EHMT1: variants seen among roughly 807,000 people sequenced by gnomAD.
EHMT1 encodes the protein euchromatic histone lysine methyltransferase 1, also known as histone-lysine N-methyltransferase EHMT1.
In EHMT1, 15 loss-of-function variants were observed where a neutral mutation model predicts 147.2. The ratio of observed to expected loss-of-function variants is 0.10; its 90% CI spans 0.07 to 0.16. EHMT1 has a LOEUF of 0.16. Among genes scored for constraint, EHMT1 ranks in the 10% least tolerant of loss-of-function variants. The probability of loss-of-function intolerance (pLI) is 1.00; values close to 1 mark genes in which losing one functional copy is unlikely to be tolerated. For synonymous variants in EHMT1, 795 were observed against 709.6 expected (o/e 1.12, Z -1.91); for missense variants, 1,587 against 1,772.4 (o/e 0.90, Z 1.88).
chr9:137,806,243 G>A (rs925191459), intron 18 of EHMT1, among the ~76,000 whole-genome samples: 3 of 152,086 alleles, frequency 2.0e-5, no homozygotes, highest in Non-Finnish European at 4.4e-5. Flanking sequence ...TTGCAGAAAT[G>A]AGCCACCACG....
chr9:137,811,623 C>T lies in EHMT1; in HGVS notation c.2867+8C>T. ...CCGCTACGACTGTGTCGTGTGAGTGCAGTGCTTCCCCCAGCGCGGGCTGGC... is the reference window on the plus strand; with the variant it reads ...CCGCTACGACTGTGTCGTGTGAGTGTAGTGCTTCCCCCAGCGCGGGCTGGC... On this transcript the variant is annotated splice_region_variant and intron_variant, in intron 19 of 26. Coordinates refer to ENST00000460843, the MANE Select transcript of EHMT1 (RefSeq NM_024757.5). The T allele has an allele frequency of 6.2e-7, 1 of 1,600,174 alleles. No homozygotes were observed. The highest frequency in any genetic ancestry group is 1.3e-5 in the African/African-American group (1 of 75,068).
intron 1 of EHMT1, among the ~76,000 whole-genome samples, chr9:137,624,885 C>CTT (rs1242300490): frequency 2.8e-5 from 4 of 143,254 alleles, no homozygotes; most frequent in Non-Finnish European, 3.1e-5. Flanking sequence ...TTTCATTCTT[C>CTT]TTTTTTTTTT....
intron 3 of EHMT1, 104 bp downstream of exon 3, chr9:137,717,286 G>T: frequency 1.4e-6 from 2 of 1,441,046 alleles, no homozygotes; most frequent in South Asian, 1.2e-5. Flanking sequence ...AAGTGTCAGT[G>T]GTTATCCGAC....
intron 25 of EHMT1, among the ~76,000 whole-genome samples, chr9:137,822,555 T>G (rs768814959): frequency 6.6e-6 from 1 of 152,098 alleles, no homozygotes; most frequent in African/African-American, 2.4e-5. Context: ...TCTTTTCATA[T>G]GTGTGTTGCC....
Position 137,728,399 on chromosome 9 carries a change from G to A in EHMT1, c.693G>A (p.Lys231=), listed in dbSNP as rs1946813659. ...AAGTTCGAGAAGCTAGAGATCATAAGGAACCAAAAGAGGAGATCAACAAAA... is the reference window on the plus strand; with the variant it reads ...AAGTTCGAGAAGCTAGAGATCATAAAGAACCAAAAGAGGAGATCAACAAAA... ...PREVREARDH[K]EPKEEINKNI... The change falls in exon 4 of 27, where the codon AAG becomes AAA. Residue 231 remains lysine (K), a synonymous_variant. Transcript: ENST00000460843. 3.1e-6 allele frequency: 5 copies of A among 1,614,066 alleles called. No homozygotes were observed. The highest frequency in any genetic ancestry group is 4.2e-6 in the Non-Finnish European group (5 of 1,180,048).
chr9:137,776,525 A>G lies in EHMT1; in HGVS notation c.1792-93A>G. The G allele has an allele frequency of 7.7e-7, 1 of 1,305,558 alleles. No individual in the cohort carries two copies. 80.9% of individuals were successfully genotyped at this position (1,305,558 alleles called of 1,614,324 possible). A position where few individuals can be genotyped will look rare whatever the true frequency, so the allele number is the denominator to read the frequency against. ...CATGGCTCACTCTGCAGACCGCCCG[A>G]TGTGGGATGCGGTGCCAGTTTAGTA... is the stretch of plus-strand genomic sequence containing the variant. On this transcript the variant is annotated intron_variant, in intron 11 of 26. Coordinates refer to ENST00000460843, the MANE Select transcript of EHMT1 (RefSeq NM_024757.5). The surrounding 1 kb of genome is among the most constrained non-coding windows in gnomAD (Gnocchi z 4.4).
chr9:137,673,706 A>T (rs1050289315), intron 1 of EHMT1, among the ~76,000 whole-genome samples: 2 of 152,232 alleles, frequency 1.3e-5, no homozygotes, highest in Non-Finnish European at 2.9e-5. Context: ...AGTGTTCATC[A>T]GTGTCTTCAA....
At chr9:137,724,729 C>T (rs1946417910) in intron 3 of EHMT1, among the ~76,000 whole-genome samples, 1 of 152,156 alleles carries the variant, frequency 6.6e-6, no homozygotes, top group Non-Finnish European at 1.5e-5. Context: ...AAAGGGGGAC[C>T]GACTCCTGAG....
At chr9:137,759,987 C>T (rs1465626989) in intron 9 of EHMT1, among the ~76,000 whole-genome samples, 2 of 152,188 alleles carry the variant, frequency 1.3e-5, no homozygotes, top group African/African-American at 4.8e-5. Flanking sequence ...GAGAAGTCCT[C>T]TCCGTATGCA....
chr9:137,639,737 G>A (rs533924792), intron 1 of EHMT1, among the ~76,000 whole-genome samples: 2 of 152,208 alleles, frequency 1.3e-5, no homozygotes, highest in East Asian at 3.9e-4. Flanking sequence ...TCTGAGATCG[G>A]ATCTTGTAGA....
At chr9:137,815,739 C>T (rs763063696) in intron 22 of EHMT1, 5 of 617,784 alleles carry the variant, frequency 8.1e-6, no homozygotes, top group Admixed American at 2.2e-5. Flanking sequence ...AGGGGGTCTC[C>T]ACAACCTGTG....
In EHMT1 at chr9:137,813,570, A is replaced by C. The variant is rs547640377; in HGVS notation, c.3180+40A>C. The stretch of plus-strand genomic sequence containing the variant: ...ATGAAGGGCTGACTCAGGCCAGGAC[A>C]TGGGACAGGCAGAAGCTTCTTGAGC... On this transcript the variant is annotated intron_variant, in intron 21 of 26. Coordinates refer to ENST00000460843, the MANE Select transcript of EHMT1 (RefSeq NM_024757.5). The surrounding 1 kb of genome is among the most constrained non-coding windows in gnomAD (Gnocchi z 4.9). 2 of 1,612,042 alleles carry C rather than the reference A, an allele frequency of 1.2e-6. No individual in the cohort carries two copies.
At position 137,776,884 on chromosome 9, in the gene EHMT1, A is replaced by C. The variant is rs1218353874; in HGVS notation, c.2018+40A>C. On this transcript the variant is annotated intron_variant, in intron 12 of 26. Coordinates refer to ENST00000460843, the MANE Select transcript of EHMT1 (RefSeq NM_024757.5). The surrounding 1 kb of genome is among the most constrained non-coding windows in gnomAD (Gnocchi z 4.4). The stretch of plus-strand genomic sequence containing the variant: ...CTCTGGCTGGGCTCTCCAGTCGTCC[A>C]CCTGAAAAAGTTTCAGTTGTTAACT... The C allele has an allele frequency of 2.5e-6, 4 of 1,599,880 alleles. No homozygotes were observed. Among genetic ancestry groups the C allele is most frequent in the African/African-American group, 1.3e-5 (1 of 74,748 alleles).
At chr9:137,620,046 C>G (rs1842858034) in intron 1 of EHMT1, 1 of 152,184 alleles carries the variant, frequency 6.6e-6, no homozygotes, top group South Asian at 2.1e-4. Context: ...GGTGCATAGA[C>G]TTAACACTGT....
chr9:137,662,795 TATTTA>T lies in EHMT1; in HGVS notation c.21+43747_21+43751del, dbSNP rs1441918023. On this transcript the variant is annotated intron_variant, in intron 1 of 26. Transcript: ENST00000460843. ...CCTGAATTTTATTTATTTATTTATT[TATTTA>T]TTTATTTATTTTTGACAGAGTCTTG... is the stretch of plus-strand genomic sequence containing the variant. Among the ~76,000 whole-genome samples, 101 of 147,908 alleles carry T rather than the reference TATTTA, an allele frequency of 6.8e-4. 1 individual carries two copies. Among genetic ancestry groups the T allele is most frequent in the South Asian group, 3.0e-3 (14 of 4,628 alleles).
rs1193875824 is a variant in EHMT1 at position 137,834,906 on chromosome 9, G to A, written c.3850G>A (p.Asp1284Asn). The change falls in exon 27 of 27, where the codon GAC (aspartate) becomes AAC (asparagine). Residue 1284 changes from aspartate (D) to asparagine (N), a missense_variant. By Grantham distance (23) the Asp-to-Asn change is conservative (BLOSUM62 1). Around this residue, in one of 7 missense-constraint regions of EHMT1, gnomAD observed 141 missense variants for 150.8 expected, o/e 0.94. Coordinates refer to ENST00000460843, the MANE Select transcript of EHMT1 (RefSeq NM_024757.5). The part of the protein sequence containing the change: ...QASAAQEAQE[D>N]GLPDTSSAAA... ...CAGCGCGGCCCAGGAGGCCCAGGAGGACGGCTTGCCCGACACCAGCTCCGC... is the reference window on the plus strand; with the variant it reads ...CAGCGCGGCCCAGGAGGCCCAGGAGAACGGCTTGCCCGACACCAGCTCCGC... The A allele has an allele frequency of 2.5e-6, 4 of 1,596,158 alleles. No homozygotes were observed. Among genetic ancestry groups the A allele is most frequent in the East Asian group, 4.5e-5 (2 of 44,278 alleles).
At chr9:137,810,280 C>T (rs1226000926) in intron 18 of EHMT1, among the ~76,000 whole-genome samples, 1 of 152,252 alleles carries the variant, frequency 6.6e-6, no homozygotes, top group Non-Finnish European at 1.5e-5. Context: ...GGTTCCGATG[C>T]CGCCCTGCGT....
intron 1 of EHMT1, among the ~76,000 whole-genome samples, chr9:137,692,025 T>C (rs940603420): frequency 6.6e-6 from 1 of 152,186 alleles, no homozygotes; most frequent in Non-Finnish European, 1.5e-5. Context: ...TTCCTGATTG[T>C]ATTGAAGTGC....
chr9:137,833,118 C>T (rs1357309912), intron 25 of EHMT1, among the ~76,000 whole-genome samples: 1 of 152,218 alleles, frequency 6.6e-6, no homozygotes, highest in Non-Finnish European at 1.5e-5. Context: ...ACGCCTTTAC[C>T]CGCTTGTTGG....
Sources: allele counts gnomAD v4.1 joint callset (sites outside exome capture counted in the v4.1 genomes callset), GRCh38; gene constraint gnomAD v4.1.1; regional missense constraint gnomAD v4.1.1; non-coding constraint Gnocchi (gnomAD v3.1); transcripts MANE v1.5; gene names NCBI Gene and HGNC (gene_info 2026-07-23, HGNC 2026-07-21).